MFSD11: variants seen among roughly 807,000 people sequenced by gnomAD.
MFSD11 encodes major facilitator superfamily domain containing 11.
A neutral mutation model predicts 53.5 loss-of-function variants in MFSD11; 36 were observed. The observed-to-expected ratio is 0.67, with a 90% CI of 0.52 to 0.89. The LOEUF (loss-of-function observed/expected upper bound fraction) is 0.89, where lower values mean the gene tolerates loss of function less well. MFSD11 is among the 40% of genes least tolerant of loss of function. MFSD11 has a pLI of 0.00. For synonymous variants in MFSD11, 186 were observed against 184.9 expected, an observed-to-expected ratio of 1.01 and a Z score of -0.05; for missense variants, 530 against 543.9, an observed-to-expected ratio of 0.97 and a Z score of 0.25.
intron 7 of MFSD11, 52 bp downstream of exon 7, chr17:76,744,518 C>G: frequency 1.3e-6 from 2 of 1,535,806 alleles, no homozygotes; most frequent in South Asian, 1.2e-5. Context: ...TTGAGTAGAT[C>G]TAGTCTAGAG....
chr17:76,801,571 C>T, the MFSD11 span, among the ~76,000 whole-genome samples: 3 of 151,602 alleles, frequency 2.0e-5, no homozygotes, highest in African/African-American at 4.8e-5. Context: ...CTCAGGCTCC[C>T]GAGTAGCTGG....
intron 10 of MFSD11, among the ~76,000 whole-genome samples, chr17:76,771,931 G>T (rs981913569): frequency 6.6e-6 from 1 of 152,204 alleles, no homozygotes; most frequent in Middle Eastern, 3.4e-3. Flanking sequence ...GCTCAGGAGG[G>T]ACTCGTGGGC....
chr17:76,763,876 T>G (rs543756667), intron 8 of MFSD11, among the ~76,000 whole-genome samples: 65 of 152,072 alleles, frequency 4.3e-4, no homozygotes, highest in East Asian at 9.7e-4. Flanking sequence ...TTTTGTTTTT[T>G]TTTTGAGGCA....
intron 8 of MFSD11, among the ~76,000 whole-genome samples, chr17:76,764,234 A>G (rs2080583174): frequency 6.6e-6 from 1 of 151,830 alleles, no homozygotes; most frequent in Middle Eastern, 3.2e-3. Context: ...CACCTCACAT[A>G]GTTATCTTTT....
At chr17:76,802,146 C>G in the MFSD11 span, among the ~76,000 whole-genome samples, 1 of 151,964 alleles carries the variant, frequency 6.6e-6, no homozygotes, top group African/African-American at 2.4e-5. Flanking sequence ...TAGTGGGCAC[C>G]TGTAATCCCA....
chr17:76,754,075 G>A lies in MFSD11; in HGVS notation c.670G>A (p.Val224Ile). ...TGCCCAGAACAATCTGACAAAGGCA[G>A]TAGATGCTTTTAGTAAGTATTTTCT... ...ESAQNNLTKA[V>I]DAFKKSFKLC... The change falls in exon 8 of 13, where the codon GTA (valine) becomes ATA (isoleucine). Residue 224 changes from valine to isoleucine, a missense_variant. Physicochemically the swap from Val to Ile is conservative, Grantham distance 29. Transcript: ENST00000685175. 1 of 1,613,070 alleles carries A rather than the reference G, an allele frequency of 6.2e-7. No individual in the cohort carries two copies. The highest frequency in any genetic ancestry group is 1.3e-5 in the African/African-American group (1 of 75,022).
chr17:76,767,810 CT>C (rs2080994361), intron 9 of MFSD11, among the ~76,000 whole-genome samples: 3 of 152,168 alleles, frequency 2.0e-5, no homozygotes, highest in African/African-American at 7.2e-5. Flanking sequence ...AAAGCTCAGG[CT>C]TCAGTCTAGC....
intron 10 of MFSD11, among the ~76,000 whole-genome samples, chr17:76,771,797 C>CT (rs1259318575): frequency 6.6e-6 from 1 of 152,122 alleles, no homozygotes; most frequent in Non-Finnish European, 1.5e-5. Context: ...TCAGAGTAAC[C>CT]TGGGCAGAGA....
downstream of MFSD11, among the ~76,000 whole-genome samples, chr17:76,782,541 C>T (rs2082193248): frequency 7.4e-6 from 1 of 135,502 alleles, no homozygotes; most frequent in Admixed American, 8.5e-5. Flanking sequence ...TGCAGTGGCG[C>T]AATCTCGGCT....
At chr17:76,797,094 A>G in the MFSD11 span, among the ~76,000 whole-genome samples, 1,977 of 152,256 alleles carry the variant, frequency 0.013, 40 homozygotes, top group African/African-American at 0.045. Flanking sequence ...GCTGGAACCC[A>G]GGAGGTGGAA....
At chr17:76,749,869 G>A (rs534995353) in intron 7 of MFSD11, among the ~76,000 whole-genome samples, 5 of 146,128 alleles carry the variant, frequency 3.4e-5, no homozygotes, top group South Asian at 2.2e-4. Flanking sequence ...CAGCCTGGGC[G>A]ATAGAGTGAG....
At chr17:76,743,348 A>T in intron 5 of MFSD11, 50 bp from the exon 6 acceptor site, 1 of 1,190,238 alleles carries the variant, frequency 8.4e-7, no homozygotes, top group Non-Finnish European at 1.2e-6. Context: ...AAAAAACTAT[A>T]AATATTAAAA....
In MFSD11 at chr17:76,738,922, T is replaced by C. The variant is rs753834592; in HGVS notation, c.97-16T>C. On this transcript the variant is annotated splice_polypyrimidine_tract_variant and intron_variant, in intron 1 of 12. Coordinates refer to ENST00000685175, the MANE Select transcript of MFSD11 (RefSeq NM_001242532.5). The stretch of plus-strand genomic sequence containing the variant: ...CTGCAAAACATTTTCGTTGATTAGT[T>C]TTATCTTCCACACAGCAAACTGTCA... 6.8e-6 allele frequency: 11 copies of C among 1,612,794 alleles called. No homozygotes were observed. In the East Asian group the frequency reaches 2.5e-4, roughly 36 times the overall value.
At chr17:76,747,443 T>C (rs1463424317) in intron 7 of MFSD11, among the ~76,000 whole-genome samples, 1 of 152,144 alleles carries the variant, frequency 6.6e-6, no homozygotes, top group East Asian at 1.9e-4. Flanking sequence ...CAAGTGATTC[T>C]TCCGCCTCAG....
downstream of MFSD11, chr17:76,780,930 A>G (rs1260583595): frequency 6.6e-6 from 1 of 152,212 alleles, no homozygotes; most frequent in Non-Finnish European, 1.5e-5. Context: ...GTAGTGATTT[A>G]TTATCTCTTT....
chr17:76,769,697 CAA>C lies in MFSD11; in HGVS notation c.749-45_749-44del, dbSNP rs748499330. ...AGATACTACTAGATGGGAAGATAAA[CAA>C]AAATGTGAATATATAAATGACATCT... On this transcript the variant is annotated intron_variant, in intron 9 of 12. Coordinates refer to ENST00000685175, the MANE Select transcript of MFSD11 (RefSeq NM_001242532.5). 8.0e-6 allele frequency: 12 copies of C among 1,492,416 alleles called. No individual in the cohort carries two copies. In the South Asian group the frequency reaches 1.5e-4, roughly 18 times the overall value. The allele number at this position is 1,492,416 out of a possible 1,614,324, so 92.4% of individuals were successfully genotyped here. A position where few individuals can be genotyped will look rare whatever the true frequency, so the allele number is the denominator to read the frequency against.
the MFSD11 span, among the ~76,000 whole-genome samples, chr17:76,798,811 T>C: frequency 6.6e-6 from 1 of 151,988 alleles, no homozygotes; most frequent in African/African-American, 2.4e-5. Flanking sequence ...GAGGATCACC[T>C]GAGGTCAGGA....
intron 8 of MFSD11, among the ~76,000 whole-genome samples, chr17:76,756,545 C>T (rs896517951): frequency 4.6e-5 from 7 of 152,144 alleles, no homozygotes; most frequent in Non-Finnish European, 2.9e-5. Flanking sequence ...TCTTTGCAGG[C>T]CTAGAAACTT....
upstream of MFSD11, chr17:76,737,505 A>C: frequency 3.2e-6 from 1 of 312,338 alleles, no homozygotes; most frequent in Non-Finnish European, 5.9e-6. Context: ...CGGGCCAAAA[A>C]GCGCGGAGTC....
Sources: allele counts gnomAD v4.1 joint callset (sites outside exome capture counted in the v4.1 genomes callset), GRCh38; gene constraint gnomAD v4.1.1; transcripts MANE v1.5; gene names NCBI Gene and HGNC (gene_info 2026-07-23, HGNC 2026-07-21).